VRK2: variants seen among roughly 807,000 people sequenced by gnomAD.
VRK2 encodes VRK serine/threonine kinase 2.
VRK2 carries 60 observed loss-of-function variants against 57.6 expected under a neutral mutation model. The ratio of observed to expected loss-of-function variants is 1.04; its 90% CI spans 0.85 to 1.29. The LOEUF is 1.29. Among genes scored for constraint, VRK2 ranks in the 50% most tolerant of loss-of-function variants. The probability of loss-of-function intolerance (pLI) is 0.00; values close to 1 mark genes in which losing one functional copy is unlikely to be tolerated. For synonymous variants in VRK2, 231 were observed against 199.2 expected, an observed-to-expected ratio of 1.16 and a Z score of -1.35; for missense variants, 705 against 588.1, an observed-to-expected ratio of 1.20 and a Z score of -2.06.
At chr2:58,133,760 AC>A (rs935411395) in intron 9 of VRK2, among the ~76,000 whole-genome samples, 3 of 152,214 alleles carry the variant, frequency 2.0e-5, no homozygotes, top group Non-Finnish European at 4.4e-5. Context: ...CATTATACTT[AC>A]CAGTTGAGCA....
intron 10 of VRK2, among the ~76,000 whole-genome samples, chr2:58,139,126 A>C (rs1375331898): frequency 6.6e-6 from 1 of 152,156 alleles, no homozygotes; most frequent in Non-Finnish European, 1.5e-5. Flanking sequence ...GGAGGACATG[A>C]GGGAGGTTTC....
chr2:58,109,250 A>G lies in VRK2; in HGVS notation c.544-13851A>G, dbSNP rs555699417. On this transcript the variant is annotated intron_variant, in intron 7 of 12. Coordinates refer to ENST00000340157, the MANE Select transcript of VRK2 (RefSeq NM_006296.7). ...ATGGATACAAAAATGTATATATGACATTATCCCAGTCCCTCAACCCCTAGG... is the reference window on the plus strand; with the variant it reads ...ATGGATACAAAAATGTATATATGACGTTATCCCAGTCCCTCAACCCCTAGG... 1.8e-3 allele frequency among the ~76,000 whole-genome samples: 281 copies of G among 152,264 alleles called. 2 individuals are homozygous for G. The highest frequency in any genetic ancestry group is 6.5e-3 in the African/African-American group (270 of 41,544).
At chr2:58,151,731 G>GTTCTTTTTTTTTTT (rs1683068421) in intron 12 of VRK2, among the ~76,000 whole-genome samples, 1 of 16,722 alleles carries the variant, frequency 6.0e-5, no homozygotes, top group African/African-American at 1.3e-4. Flanking sequence ...TTCTATGCTT[G>GTTCTTTTTTTTTTT]TTTTTTTTTT....
At chr2:57,988,691 G>A (rs78603490) in intron 1 of VRK2, among the ~76,000 whole-genome samples, 11,726 of 152,162 alleles carry the variant, frequency 0.077, 544 homozygotes, top group African/African-American at 0.12. Flanking sequence ...GACACAGACC[G>A]ATACCACCTC....
intron 2 of VRK2, among the ~76,000 whole-genome samples, chr2:58,070,220 A>T (rs934406712): frequency 6.6e-6 from 1 of 151,848 alleles, no homozygotes; most frequent in African/African-American, 2.4e-5. Flanking sequence ...TTTTGTTGTT[A>T]TTTGTTTTTT....
chr2:57,986,365 T>C (rs941249521), intron 1 of VRK2, among the ~76,000 whole-genome samples: 1 of 152,148 alleles, frequency 6.6e-6, no homozygotes, highest in Non-Finnish European at 1.5e-5. Flanking sequence ...CAATATAGAT[T>C]CAATACATTT....
At chr2:57,938,832 TTC>T (rs10611414) in intron 1 of VRK2, among the ~76,000 whole-genome samples, 99,041 of 151,764 alleles carry the variant, frequency 0.65, 32,679 homozygotes, top group African/African-American at 0.77. Flanking sequence ...CTTGTCTTCC[TTC>T]TCTTGCTTTC....
intron 1 of VRK2, among the ~76,000 whole-genome samples, chr2:57,982,523 G>A (rs548315769): frequency 6.6e-6 from 1 of 152,316 alleles, no homozygotes; most frequent in South Asian, 2.1e-4. Context: ...TGCAATGGCT[G>A]TGGGAGGCTG....
chr2:58,068,844 T>C (rs2103968207), intron 2 of VRK2, among the ~76,000 whole-genome samples: 1 of 151,752 alleles, frequency 6.6e-6, no homozygotes, highest in East Asian at 1.9e-4. Flanking sequence ...AACTCGGTTA[T>C]GTATCTTTTA....
chr2:58,095,927 AGT>A (rs773564067), intron 7 of VRK2, among the ~76,000 whole-genome samples: 5 of 152,012 alleles, frequency 3.3e-5, no homozygotes, highest in African/African-American at 1.2e-4. Flanking sequence ...TGTGAATATG[AGT>A]GTGTGTGTAT....
chr2:58,094,896 A>C (rs1290693011), intron 7 of VRK2, among the ~76,000 whole-genome samples: 1 of 152,184 alleles, frequency 6.6e-6, no homozygotes, highest in African/African-American at 2.4e-5. Context: ...TTATAATGTA[A>C]TTTAACATTG....
chr2:58,040,022 C>T (rs1674397379), intron 3 of VRK2, among the ~76,000 whole-genome samples: 1 of 151,998 alleles, frequency 6.6e-6, no homozygotes, highest in Non-Finnish European at 1.5e-5. Flanking sequence ...CCCAATCCTC[C>T]CACCTCAGCC....
chr2:57,937,314 G>C (rs1670946555), intron 1 of VRK2, among the ~76,000 whole-genome samples: 1 of 152,072 alleles, frequency 6.6e-6, no homozygotes, highest in Non-Finnish European at 1.5e-5. Context: ...TCATGCTCTT[G>C]AAATGCATTA....
intron 2 of VRK2, among the ~76,000 whole-genome samples, chr2:58,050,558 A>G (rs78275014): frequency 0.015 from 2,310 of 152,264 alleles, 64 homozygotes; most frequent in African/African-American, 0.052. Flanking sequence ...GTTTTCTAAT[A>G]TTTGTATTAT....
chr2:58,128,741 C>G (rs1158061075), intron 8 of VRK2, among the ~76,000 whole-genome samples: 1 of 152,164 alleles, frequency 6.6e-6, no homozygotes, highest in African/African-American at 2.4e-5. Flanking sequence ...TATTTAACCT[C>G]TCTGAGACTC....
chr2:57,983,157 A>G (rs2104056585), intron 1 of VRK2, among the ~76,000 whole-genome samples: 1 of 152,130 alleles, frequency 6.6e-6, no homozygotes, highest in South Asian at 2.1e-4. Flanking sequence ...ATCTGTTCAG[A>G]GTATGCTGAT....
intron 2 of VRK2, among the ~76,000 whole-genome samples, chr2:58,081,386 A>G (rs140167834): frequency 1.1e-3 from 162 of 152,142 alleles, no homozygotes; most frequent in African/African-American, 3.6e-3. Flanking sequence ...GAAAAAATGT[A>G]TGGCTAAAAA....
chr2:58,039,703 T>C lies in VRK2; in HGVS notation c.-6+6150T>C, dbSNP rs1354173793. 2.0e-5 allele frequency among the ~76,000 whole-genome samples: 3 copies of C among 152,046 alleles called. No individual in the cohort carries two copies. The East Asian group carries it at 5.8e-4, about 29-fold the overall frequency. ...AAAAAAGCAGAATAAAAATATTATA[T>C]ACACACAATTTGAGTATAACTGTGG... On this transcript the variant is annotated intron_variant, in intron 3 of 15. Coordinates refer to the VRK2 transcript ENST00000417641.
At chr2:57,961,633 C>A (rs1458271159) in intron 1 of VRK2, among the ~76,000 whole-genome samples, 5 of 117,088 alleles carry the variant, frequency 4.3e-5, no homozygotes, top group African/African-American at 5.8e-5. Context: ...ACCCCCCCCC[C>A]CACTTATTAC....
Sources: gnomAD v4.1 joint callset for allele counts (sites outside exome capture counted in the v4.1 genomes callset) on GRCh38, gnomAD v4.1.1 for gene constraint, MANE v1.5 for transcripts, NCBI Gene and HGNC (gene_info 2026-07-23, HGNC 2026-07-21) for gene names.